Variants in STRA6 observed in about 807,000 individuals in gnomAD.
STRA6 encodes the protein receptor for retinol uptake STRA6.
In STRA6, 48 loss-of-function variants were observed where a neutral mutation model predicts 83.6. That is an observed-to-expected ratio of 0.57 (90% CI 0.46 to 0.73). STRA6 has a LOEUF of 0.73. Among genes scored for constraint, STRA6 ranks in the 30% least tolerant of loss-of-function variants. The pLI is 0.00. For synonymous variants in STRA6, 353 were observed against 362.3 expected, an observed-to-expected ratio of 0.97 and a Z score of 0.29; for missense variants, 760 against 838.8, an observed-to-expected ratio of 0.91 and a Z score of 1.16.
At chr15:74,206,664 T>G (rs977194617), upstream of STRA6, among the ~76,000 whole-genome samples, 19 of 152,114 alleles carry the variant, frequency 1.2e-4, no homozygotes, top group African/African-American at 4.3e-4. Context: ...GGAGATGGCT[T>G]GGGCAGTCTT....
rs2073345569 is a variant in STRA6, at chr15:74,188,094, G to A, written c.1090+1021C>T. 6.6e-6 allele frequency among the ~76,000 whole-genome samples: 1 copy of A among 152,220 alleles called. No homozygotes were observed. Among genetic ancestry groups the A allele is most frequent in the Admixed American group, 6.5e-5 (1 of 15,284 alleles). ...TGCCCTCAGCAGCAGTTCCAGGGCAGCCTCTAGTACGGGAACTGAGGTGCT... is the reference window on the plus strand; with the variant it reads ...TGCCCTCAGCAGCAGTTCCAGGGCAACCTCTAGTACGGGAACTGAGGTGCT... On this transcript the variant is annotated intron_variant, in intron 12 of 18. Coordinates refer to ENST00000395105, the MANE Select transcript of STRA6 (RefSeq NM_022369.4). This position sits in a 1 kb window ranked among gnomAD's most constrained non-coding sequence, Gnocchi z 4.5.
At chr15:74,202,820 C>G, upstream of STRA6, 1 of 1,091,194 alleles carries the variant, frequency 9.2e-7, no homozygotes, top group East Asian at 5.6e-5. Flanking sequence ...TCCCTTGAGC[C>G]CCTCCCCCAG....
In STRA6 at chr15:74,184,133, G is replaced by A. The variant is rs1202283912; in HGVS notation, c.1167-144C>T. The A allele has an allele frequency of 3.3e-6, 4 of 1,218,878 alleles. No individual in the cohort carries two copies. In the South Asian group the frequency reaches 3.9e-5, roughly 12 times the overall value. The allele number at this position is 1,218,878 out of a possible 1,614,324, so 75.5% of individuals were successfully genotyped here. A position where few individuals can be genotyped will look rare whatever the true frequency, so the allele number is the denominator to read the frequency against. On this transcript the variant is annotated intron_variant, in intron 13 of 18. Transcript: ENST00000395105. ...GGAAGCCCAGAACTGTGGGAGCCAG[G>A]AGGAGGCCACTAACCCAAGATATCT...
rs377511262 is a variant in STRA6 at position 74,180,945 on chromosome 15, G to A, written c.1685-8C>T. ...TTCGGTACGTGTAGTAGCCTGGGGT[G>A]GGGTGGCGGATGGCAATGCTGGGGG... On this transcript the variant is annotated splice_polypyrimidine_tract_variant and splice_region_variant and intron_variant, in intron 17 of 18. Transcript: ENST00000395105. 23 of 1,613,414 alleles carry A rather than the reference G, an allele frequency of 1.4e-5. No homozygotes were observed. Among genetic ancestry groups the A allele is most frequent in the Non-Finnish European group, 1.9e-5 (22 of 1,179,862 alleles).
At chr15:74,180,972 G>T in intron 17 of STRA6, 35 bp from the exon 18 acceptor site, 1 of 1,611,898 alleles carries the variant, frequency 6.2e-7, no homozygotes. Flanking sequence ...TGCTGGGGGA[G>T]CAGGGGCCAC....
intron 17 of STRA6, 116 bp downstream of exon 17, chr15:74,181,179 G>A (rs1310358614): frequency 2.7e-6 from 4 of 1,479,516 alleles, no homozygotes; most frequent in Non-Finnish European, 3.7e-6. Flanking sequence ...GGTGGCACAT[G>A]CAGCTACAGG....
intron 4 of STRA6, 25 bp downstream of exon 4, chr15:74,197,313 G>C: frequency 6.5e-7 from 1 of 1,534,088 alleles, no homozygotes; most frequent in South Asian, 1.2e-5. Flanking sequence ...CCCCTGAGTG[G>C]GGGTGCCCAG....
chr15:74,199,537 G>A (rs1224211867), intron 2 of STRA6, among the ~76,000 whole-genome samples: 4 of 152,308 alleles, frequency 2.6e-5, no homozygotes, highest in Middle Eastern at 3.4e-3. Context: ...ACCTGGGCCC[G>A]GCAGGGACTT....
chr15:74,211,635 C>G (rs1297995866), upstream of STRA6, among the ~76,000 whole-genome samples: 1 of 152,058 alleles, frequency 6.6e-6, no homozygotes, highest in African/African-American at 2.4e-5. Context: ...AACTCCTAAC[C>G]TCAGGTGATC....
intron 7 of STRA6, chr15:74,194,933 G>A (rs1483854799): frequency 3.9e-5 from 56 of 1,421,850 alleles, no homozygotes; most frequent in Non-Finnish European, 4.8e-5. Flanking sequence ...CGCACTTGCC[G>A]GCCTCCATCA....
chr15:74,191,307 CA>C (rs1340186559), intron 9 of STRA6, 64 bp from the exon 10 acceptor site: 2 of 1,611,102 alleles, frequency 1.2e-6, no homozygotes, highest in African/African-American at 2.7e-5. Context: ...GGGCCAGCCC[CA>C]GAGGCTGGTC....
At chr15:74,205,865 C>T (rs1032439824), upstream of STRA6, among the ~76,000 whole-genome samples, 4 of 152,224 alleles carry the variant, frequency 2.6e-5, no homozygotes. Flanking sequence ...CGTCCTTTTC[C>T]CCTGGTGGGG....
chr15:74,189,345 G>A, intron 11 of STRA6, 68 bp from the exon 12 acceptor site: 2 of 1,545,120 alleles, frequency 1.3e-6, no homozygotes, highest in Non-Finnish European at 8.7e-7. Flanking sequence ...GGGAGACGCT[G>A]GGGAAGAAAC....
intron 4 of STRA6, 29 bp downstream of exon 4, chr15:74,197,309 A>T (rs1179660010): frequency 6.6e-7 from 1 of 1,521,562 alleles, no homozygotes; most frequent in Non-Finnish European, 8.9e-7. Flanking sequence ...GGGTCCCCTG[A>T]GTGGGGGTGC....
intron 8 of STRA6, chr15:74,191,695 C>T (rs2073550464): frequency 3.2e-6 from 2 of 626,568 alleles, no homozygotes; most frequent in Admixed American, 2.5e-5. Context: ...CTCACAAATA[C>T]AAGGCCAGTC....
At chr15:74,181,157 C>T (rs2072962117) in intron 17 of STRA6, 138 bp downstream of exon 17, 1 of 1,408,666 alleles carries the variant, frequency 7.1e-7, no homozygotes, top group Non-Finnish European at 9.7e-7. Flanking sequence ...AGGCACAGCG[C>T]AGGGGCACAC....
chr15:74,192,375 G>A (rs1168447647), intron 8 of STRA6, among the ~76,000 whole-genome samples: 10 of 152,168 alleles, frequency 6.6e-5, no homozygotes, highest in Non-Finnish European at 4.4e-5. Context: ...TCAATAGGCA[G>A]GAGCTACAAG....
At position 74,193,699 on chromosome 15, in the gene STRA6, G is replaced by C. The variant is rs1469521121; in HGVS notation, c.720+101C>G. On this transcript the variant is annotated intron_variant, in intron 8 of 18. Transcript: ENST00000395105. Reference sequence around the variant, plus strand: ...TTTCTGAGCATCTATTCTGTGCTGGGCCCTACATCAAGCACGGCCATGTAT... The same window carrying C: ...TTTCTGAGCATCTATTCTGTGCTGGCCCCTACATCAAGCACGGCCATGTAT... 3.2e-6 allele frequency: 5 copies of C among 1,567,110 alleles called. No homozygotes were observed. The East Asian group carries it at 9.1e-5, about 29-fold the overall frequency.
chr15:74,210,463 G>A (rs1392796326), upstream of STRA6, among the ~76,000 whole-genome samples: 1 of 152,160 alleles, frequency 6.6e-6, no homozygotes, highest in Non-Finnish European at 1.5e-5. Context: ...CTCATTTTAT[G>A]CTTCTTTAAC....
Sources: gnomAD v4.1 joint callset for allele counts (sites outside exome capture counted in the v4.1 genomes callset) on GRCh38, gnomAD v4.1.1 for gene constraint, Gnocchi (gnomAD v3.1) non-coding constraint, MANE v1.5 for transcripts, NCBI Gene and HGNC (gene_info 2026-07-23, HGNC 2026-07-21) for gene names.